Variants in SPNS3 observed in about 807,000 individuals in gnomAD.
The protein encoded by SPNS3 is SPNS lysolipid transporter 3, sphingosine-1-phosphate (putative), also known as protein spinster homolog 3.
Under a neutral mutation model 54.4 loss-of-function variants are expected in SPNS3, and 51 were observed. The ratio of observed to expected loss-of-function variants is 0.94; its 90% CI spans 0.75 to 1.18. The LOEUF (loss-of-function observed/expected upper bound fraction) is 1.18, where lower values mean the gene tolerates loss of function less well. Among genes scored for constraint, SPNS3 ranks in the 50% most tolerant of loss-of-function variants. The pLI, the probability that SPNS3 is intolerant of heterozygous loss-of-function variation, is 0.00. For synonymous variants in SPNS3, 309 were observed against 294.7 expected, an observed-to-expected ratio of 1.05 and a Z score of -0.50; for missense variants, 669 against 677.4, an observed-to-expected ratio of 0.99 and a Z score of 0.14.
chr17:4,452,927 AGG>A (rs752387503), intron 7 of SPNS3, 87 bp from the exon 8 acceptor site: 20 of 1,323,460 alleles, frequency 1.5e-5, no homozygotes, highest in African/African-American at 1.5e-4. Context: ...ACTTGAGCCG[AGG>A]GGCTAGACCT....
intron 8 of SPNS3, among the ~76,000 whole-genome samples, chr17:4,460,759 T>A (rs920999942): frequency 8.6e-5 from 13 of 151,852 alleles, no homozygotes; most frequent in African/African-American, 2.9e-4. Flanking sequence ...TGGATTTGAG[T>A]TTGTAGTATT....
chr17:4,444,639 C>T (rs1334155426), intron 2 of SPNS3, among the ~76,000 whole-genome samples: 1 of 152,136 alleles, frequency 6.6e-6, no homozygotes, highest in Non-Finnish European at 1.5e-5. Context: ...TCAGACCTGT[C>T]CCCATATCCA....
chr17:4,475,942 A>AG (rs1430625266), intron 8 of SPNS3, among the ~76,000 whole-genome samples: 2 of 152,198 alleles, frequency 1.3e-5, no homozygotes, highest in African/African-American at 4.8e-5. Flanking sequence ...CTTAACAAGC[A>AG]GGGGCTGCTG....
intron 9 of SPNS3, chr17:4,482,314 G>A (rs1010685071): frequency 1.3e-5 from 2 of 152,178 alleles, no homozygotes; most frequent in Non-Finnish European, 2.9e-5. Flanking sequence ...CAGATTTGAG[G>A]GAGCTTGTGA....
chr17:4,457,316 C>T (rs1419830264), intron 8 of SPNS3, among the ~76,000 whole-genome samples: 1 of 152,174 alleles, frequency 6.6e-6, no homozygotes, highest in Non-Finnish European at 1.5e-5. Flanking sequence ...TGTTTGAGCC[C>T]CAGTGATAGA....
At chr17:4,469,355 G>A (rs1457948075) in intron 8 of SPNS3, among the ~76,000 whole-genome samples, 1 of 152,184 alleles carries the variant, frequency 6.6e-6, no homozygotes, top group African/African-American at 2.4e-5. Flanking sequence ...CCAAAGTGCT[G>A]GGATTACAGG....
intron 8 of SPNS3, among the ~76,000 whole-genome samples, chr17:4,463,396 C>CAAAAAAAA (rs368770425): frequency 8.2e-6 from 1 of 122,166 alleles, no homozygotes; most frequent in African/African-American, 3.0e-5. Context: ...GACTCTGTCT[C>CAAAAAAAA]AAAAAAAAAA....
chr17:4,473,420 G>C (rs1462648467), intron 8 of SPNS3, among the ~76,000 whole-genome samples: 1 of 146,810 alleles, frequency 6.8e-6, no homozygotes, highest in Non-Finnish European at 1.5e-5. Context: ...TTTAAAGAGA[G>C]AGAGTCTCAC....
intron 7 of SPNS3, among the ~76,000 whole-genome samples, chr17:4,450,726 A>G (rs1360826066): frequency 2.0e-5 from 3 of 150,522 alleles, no homozygotes; most frequent in African/African-American, 7.3e-5. Context: ...CCTCCCGAGT[A>G]GCTAAGATTA....
intron 11 of SPNS3, among the ~76,000 whole-genome samples, chr17:4,487,232 G>C (rs1032817565): frequency 1.3e-5 from 2 of 151,540 alleles, no homozygotes; most frequent in Admixed American, 1.3e-4. Context: ...CCACTGCACA[G>C]GCGAAACTAG....
chr17:4,446,456 C>T (rs574247396), intron 4 of SPNS3: 18 of 496,992 alleles, frequency 3.6e-5, no homozygotes, highest in African/African-American at 1.9e-4. Flanking sequence ...TTCACACACT[C>T]GGCAGTGTGG....
intron 8 of SPNS3, among the ~76,000 whole-genome samples, chr17:4,466,340 G>C (rs952526448): frequency 6.6e-6 from 1 of 151,816 alleles, no homozygotes; most frequent in East Asian, 1.9e-4. Context: ...AGGGGTTTGA[G>C]ACCAGCCTGG....
intron 8 of SPNS3, among the ~76,000 whole-genome samples, chr17:4,476,889 C>G (rs892384878): frequency 6.6e-6 from 1 of 152,342 alleles, no homozygotes; most frequent in East Asian, 1.9e-4. Flanking sequence ...GCGTTCCTGT[C>G]CCGCCCGGCA....
At chr17:4,484,852 C>G (rs1972267619) in intron 9 of SPNS3, among the ~76,000 whole-genome samples, 1 of 152,022 alleles carries the variant, frequency 6.6e-6, no homozygotes, top group South Asian at 2.1e-4. Flanking sequence ...GGTTGGCAAA[C>G]TTTCAGCTAG....
At chr17:4,441,804 G>C (rs1970854872) in intron 2 of SPNS3, among the ~76,000 whole-genome samples, 1 of 150,682 alleles carries the variant, frequency 6.6e-6, no homozygotes, top group South Asian at 2.1e-4. Context: ...TGTGTTGGGG[G>C]GGGTCTCACC....
rs375830504 is a variant in SPNS3, at chr17:4,439,733, A to G, written c.265+10A>G. The stretch of plus-strand genomic sequence containing the variant: ...GGTTTGCTTCAGACTGGTAAGGAGG[A>G]GCCCTGGCTCTGGAGCCGGGGCCCT... On this transcript the variant is annotated intron_variant, in intron 2 of 11. Transcript: ENST00000355530. 1.1e-5 allele frequency: 17 copies of G among 1,610,042 alleles called. No homozygotes were observed. The highest frequency in any genetic ancestry group is 1.3e-5 in the Non-Finnish European group (15 of 1,178,248).
chr17:4,465,160 G>A (rs1044208767), intron 8 of SPNS3, among the ~76,000 whole-genome samples: 1 of 152,154 alleles, frequency 6.6e-6, no homozygotes, highest in Non-Finnish European at 1.5e-5. Flanking sequence ...TCATCAAAGG[G>A]GTGGGGCCTG....
At chr17:4,451,702 C>T (rs1382394806) in intron 7 of SPNS3, among the ~76,000 whole-genome samples, 2 of 150,898 alleles carry the variant, frequency 1.3e-5, no homozygotes, top group East Asian at 4.0e-4. Context: ...GAGTCTTGCT[C>T]TCTTGCCCAG....
chr17:4,474,557 G>A (rs1041292617), intron 8 of SPNS3, among the ~76,000 whole-genome samples: 2 of 152,120 alleles, frequency 1.3e-5, no homozygotes, highest in African/African-American at 2.4e-5. Flanking sequence ...TGAAGGCACC[G>A]CCCCCGCCAC....
Sources: gnomAD v4.1 joint callset for allele counts (sites outside exome capture counted in the v4.1 genomes callset) on GRCh38, gnomAD v4.1.1 for gene constraint, MANE v1.5 for transcripts, NCBI Gene and HGNC (gene_info 2026-07-23, HGNC 2026-07-21) for gene names.